Variants in CCDC83 observed in about 807,000 individuals in gnomAD.
CCDC83 encodes the protein coiled-coil domain containing 83.
CCDC83 carries 54 observed loss-of-function variants against 50.1 expected under a neutral mutation model. The ratio of observed to expected loss-of-function variants is 1.08; its 90% confidence interval spans 0.87 to 1.35. The LOEUF is 1.35. Ranked by LOEUF, CCDC83 falls within the 40% of genes most tolerant of loss-of-function variation. The pLI is 0.00. For missense variants in CCDC83, 518 were observed against 473.9 expected (o/e 1.09, Z -0.86); for synonymous variants, 161 against 153.3 (o/e 1.05, Z -0.37).
At chr11:85,915,364 C>G (rs2093472800) in intron 8 of CCDC83, 55 bp from the exon 9 acceptor site, 2 of 1,191,236 alleles carry the variant, frequency 1.7e-6, no homozygotes, top group South Asian at 2.5e-5. Context: ...CCCTAGTAAG[C>G]ATGCAATGCA....
At chr11:85,908,466 G>A (rs907704131) in intron 7 of CCDC83, among the ~76,000 whole-genome samples, 5 of 151,984 alleles carry the variant, frequency 3.3e-5, no homozygotes, top group Non-Finnish European at 4.4e-5. Flanking sequence ...CAGGAGAATC[G>A]CTTGAACCTG....
intron 1 of CCDC83, among the ~76,000 whole-genome samples, chr11:85,860,806 A>G (rs914040706): frequency 1.3e-5 from 2 of 152,372 alleles, no homozygotes; most frequent in African/African-American, 4.8e-5. Context: ...ACACAGCCAT[A>G]AAAAGAACAA....
chr11:85,901,429 C>T (rs781452008), intron 7 of CCDC83, among the ~76,000 whole-genome samples: 2 of 151,798 alleles, frequency 1.3e-5, no homozygotes, highest in African/African-American at 2.4e-5. Flanking sequence ...AAAAGTTAAC[C>T]AGGCATGGTG....
At chr11:85,903,011 C>A (rs144669900) in intron 7 of CCDC83, among the ~76,000 whole-genome samples, 1 of 152,050 alleles carries the variant, frequency 6.6e-6, no homozygotes, top group Non-Finnish European at 1.5e-5. Context: ...GCATGTGGAT[C>A]GCTTGAGGTC....
In CCDC83 at chr11:85,908,609, AGACAGAT is replaced by A. The variant is rs879650480; in HGVS notation, c.673-2671_673-2665del. On this transcript the variant is annotated intron_variant, in intron 7 of 10. Coordinates refer to ENST00000342404, the MANE Select transcript of CCDC83 (RefSeq NM_001286159.2). ...TAGATAGATAGATAGATAGATAGAT[AGACAGAT>A]AGAATTCATGGCCGGGTGGCTCATG... Among the ~76,000 whole-genome samples the A allele has an allele frequency of 2.4e-3, 303 of 128,896 alleles. 1 individual carries two copies. The highest frequency in any genetic ancestry group is 3.1e-3 in the Non-Finnish European group (186 of 59,590). 84.6% of individuals were successfully genotyped at this position (128,896 alleles called of 152,430 possible). A position where few individuals can be genotyped will look rare whatever the true frequency, so the allele number is the denominator to read the frequency against.
At chr11:85,858,212 C>A (rs2093154047) in intron 1 of CCDC83, among the ~76,000 whole-genome samples, 2 of 152,190 alleles carry the variant, frequency 1.3e-5, no homozygotes, top group African/African-American at 4.8e-5. Context: ...CCCACCCAGA[C>A]AAGTACCAGG....
At chr11:85,877,793 T>C (rs1050504856) in intron 3 of CCDC83, among the ~76,000 whole-genome samples, 1 of 152,130 alleles carries the variant, frequency 6.6e-6, no homozygotes, top group Non-Finnish European at 1.5e-5. Flanking sequence ...AAATCAGATA[T>C]CTTTACTTAG....
chr11:85,911,631 T>C (rs2093454909), intron 8 of CCDC83, among the ~76,000 whole-genome samples: 1 of 152,188 alleles, frequency 6.6e-6, no homozygotes, highest in Non-Finnish European at 1.5e-5. Flanking sequence ...GTAGTCACAA[T>C]AGCCAGCACA....
At chr11:85,911,969 C>T (rs1278369208) in intron 8 of CCDC83, among the ~76,000 whole-genome samples, 1 of 144,972 alleles carries the variant, frequency 6.9e-6, no homozygotes, top group Admixed American at 6.9e-5. Flanking sequence ...CCTTATCTGA[C>T]AAAAAAAAAA....
intron 8 of CCDC83, 64 bp downstream of exon 8, chr11:85,911,466 T>A: frequency 7.3e-7 from 1 of 1,374,162 alleles, no homozygotes; most frequent in East Asian, 2.5e-5. Flanking sequence ...AAAAGTTGTT[T>A]TTTTAAAACA....
At chr11:85,878,517 T>C (rs557742518) in intron 3 of CCDC83, among the ~76,000 whole-genome samples, 12 of 152,376 alleles carry the variant, frequency 7.9e-5, no homozygotes, top group African/African-American at 2.9e-4. Flanking sequence ...TGTTATCAGT[T>C]AGTTTCTTTG....
chr11:85,866,664 A>C (rs1365380046), intron 2 of CCDC83, among the ~76,000 whole-genome samples: 8 of 148,312 alleles, frequency 5.4e-5, no homozygotes, highest in Non-Finnish European at 8.9e-5. Flanking sequence ...AAAAAAACAA[A>C]ACAAAAAAAA....
In CCDC83 at chr11:85,855,497, A is replaced by G. The variant is rs2093134134; in HGVS notation, c.-116A>G. On this transcript the variant is annotated 5_prime_UTR_variant, in exon 1 of 11. Transcript: ENST00000342404. The stretch of plus-strand genomic sequence containing the variant: ...GAGGGCAGGCCTTTTTAATCTGATC[A>G]GAATGTTAACCCATCTCTCCGCCTT... 1 of 152,266 alleles carries G rather than the reference A, an allele frequency of 6.6e-6. No individual in the cohort carries two copies. 9.4% of individuals were successfully genotyped at this position (152,266 alleles called of 1,614,324 possible).
chr11:85,902,959 TG>T (rs2093408822), intron 7 of CCDC83, among the ~76,000 whole-genome samples: 1 of 152,168 alleles, frequency 6.6e-6, no homozygotes, highest in Non-Finnish European at 1.5e-5. Flanking sequence ...TGGCCAGGTA[TG>T]GTGGCTTATG....
intron 1 of CCDC83, among the ~76,000 whole-genome samples, chr11:85,861,464 T>C (rs1445512): frequency 0.021 from 3,176 of 152,254 alleles, 109 homozygotes; most frequent in African/African-American, 0.072. Flanking sequence ...CAAATAGAGA[T>C]CTTTTATATC....
At chr11:85,918,681 C>G (rs943948895) in intron 10 of CCDC83, among the ~76,000 whole-genome samples, 6 of 152,114 alleles carry the variant, frequency 3.9e-5, no homozygotes, top group African/African-American at 1.2e-4. Flanking sequence ...CACAAAATCA[C>G]AGAAATAGTG....
chr11:85,859,593 G>T (rs919936486), intron 1 of CCDC83, among the ~76,000 whole-genome samples: 1 of 152,166 alleles, frequency 6.6e-6, no homozygotes, highest in African/African-American at 2.4e-5. Context: ...TTCAATAAAT[G>T]GTGCTGGGAT....
intron 1 of CCDC83, among the ~76,000 whole-genome samples, chr11:85,860,158 C>A (rs1308480720): frequency 2.0e-5 from 3 of 151,734 alleles, no homozygotes; most frequent in Admixed American, 6.6e-5. Flanking sequence ...ATAAATTAGC[C>A]AGGCATGGTG....
At chr11:85,892,496 T>C (rs544889907) in intron 5 of CCDC83, among the ~76,000 whole-genome samples, 46 of 152,324 alleles carry the variant, frequency 3.0e-4, no homozygotes, top group African/African-American at 9.9e-4. Flanking sequence ...TGGAAGAGAA[T>C]AGATTGTGAA....
Sources: allele counts gnomAD v4.1 joint callset (sites outside exome capture counted in the v4.1 genomes callset), GRCh38; gene constraint gnomAD v4.1.1; transcripts MANE v1.5; gene names NCBI Gene and HGNC (gene_info 2026-07-23, HGNC 2026-07-21).